The following EYS variants were observed in gnomAD, a reference collection of about 807,000 sequenced individuals.
The protein encoded by EYS is protein eyes shut homolog.
EYS carries 250 observed loss-of-function variants against 282.1 expected under a neutral mutation model. That is an observed-to-expected ratio of 0.89 (90% CI 0.80 to 0.98). EYS has a LOEUF of 0.98. EYS is among the 50% of genes least tolerant of loss of function. The pLI is 0.00. For missense variants in EYS, 4,016 were observed against 3,709.0 expected, an observed-to-expected ratio of 1.08 and a Z score of -2.15; for synonymous variants, 1,355 against 1,282.9, an observed-to-expected ratio of 1.06 and a Z score of -1.20.
chr6:64,327,929 G>A (rs1770491387), intron 29 of EYS, among the ~76,000 whole-genome samples: 1 of 152,126 alleles, frequency 6.6e-6, no homozygotes, highest in African/African-American at 2.4e-5. Flanking sequence ...CCTGAAAAGT[G>A]AAGGGAGGAA....
chr6:64,995,155 G>A lies in EYS; in HGVS notation c.2259+2427C>T, dbSNP rs371222140. Among the ~76,000 whole-genome samples the A allele has an allele frequency of 1.1e-4, 17 of 152,244 alleles. No homozygotes were observed. The East Asian group carries it at 2.9e-3, about 26-fold the overall frequency. ...ATTAGCTAAGGTCAGTTATGCAGGT[G>A]CTTCATGTCATCATGACTGACCTAC... On this transcript the variant is annotated intron_variant, in intron 14 of 42. Transcript: ENST00000503581.
intron 11 of EYS, chr6:65,331,526 ATT>A (rs1769797578): frequency 1.0e-6 from 1 of 961,164 alleles, no homozygotes; most frequent in South Asian, 4.8e-5. Flanking sequence ...CATTGTTAGT[ATT>A]AATTATGAGA....
At chr6:64,960,249 AAAGT>A (rs1419588471) in intron 14 of EYS, among the ~76,000 whole-genome samples, 2 of 152,152 alleles carry the variant, frequency 1.3e-5, no homozygotes, top group Non-Finnish European at 2.9e-5. Flanking sequence ...ATGAACAATA[AAAGT>A]AATCTTTGAT....
At chr6:64,077,232 G>T (rs1439752574) in intron 32 of EYS, among the ~76,000 whole-genome samples, 1 of 151,946 alleles carries the variant, frequency 6.6e-6, no homozygotes, top group Non-Finnish European at 1.5e-5. Context: ...TAAAACAACT[G>T]AGCAATCTTT....
chr6:64,902,092 T>C (rs1405703386), intron 18 of EYS, 21 bp downstream of exon 18: 20 of 1,473,736 alleles, frequency 1.4e-5, no homozygotes, highest in Non-Finnish European at 1.8e-5. Context: ...ATAATTAATT[T>C]AATAAAAAGT....
intron 26 of EYS, among the ~76,000 whole-genome samples, chr6:64,509,670 G>A (rs1047243486): frequency 6.6e-6 from 1 of 152,076 alleles, no homozygotes; most frequent in Non-Finnish European, 1.5e-5. Context: ...TTTCTATTAT[G>A]TATATCAAGG....
At chr6:64,554,298 T>C (rs925560002) in intron 26 of EYS, among the ~76,000 whole-genome samples, 1 of 152,044 alleles carries the variant, frequency 6.6e-6, no homozygotes, top group African/African-American at 2.4e-5. Context: ...AATACTAAAA[T>C]GTATAAAGTG....
intron 29 of EYS, among the ~76,000 whole-genome samples, chr6:64,373,063 T>G (rs141348982): frequency 1.3e-5 from 2 of 152,316 alleles, no homozygotes; most frequent in East Asian, 3.9e-4. Context: ...GTTTCTGACA[T>G]TTCAGCCATT....
chr6:65,628,396 C>G (rs894356325), intron 2 of EYS, among the ~76,000 whole-genome samples: 1 of 152,192 alleles, frequency 6.6e-6, no homozygotes, highest in Non-Finnish European at 1.5e-5. Flanking sequence ...CACCAATCAG[C>G]AGGATGTGGG....
chr6:65,493,057 A>T (rs926122210), intron 4 of EYS, among the ~76,000 whole-genome samples: 7 of 152,030 alleles, frequency 4.6e-5, no homozygotes, highest in African/African-American at 1.7e-4. Flanking sequence ...CTGGGATTAC[A>T]GGCACCCGCC....
chr6:64,198,170 T>G (rs1005005669), intron 31 of EYS, among the ~76,000 whole-genome samples: 2 of 150,996 alleles, frequency 1.3e-5, no homozygotes, highest in African/African-American at 2.4e-5. Context: ...GCTAATTTTT[T>G]TTTTTTTTTT....
intron 37 of EYS, 70 bp downstream of exon 37, chr6:63,806,120 T>A: frequency 7.8e-7 from 1 of 1,288,162 alleles, no homozygotes; most frequent in Non-Finnish European, 1.1e-6. Flanking sequence ...CCAATTAGAG[T>A]GTCCCTGAGG....
At chr6:65,686,408 C>A (rs1385323996) in intron 1 of EYS, among the ~76,000 whole-genome samples, 2 of 152,026 alleles carry the variant, frequency 1.3e-5, no homozygotes, top group Non-Finnish European at 2.9e-5. Context: ...TTATTATTTT[C>A]TTTCTGGTGC....
At chr6:64,912,994 G>C (rs1768048183) in intron 15 of EYS, among the ~76,000 whole-genome samples, 1 of 151,922 alleles carries the variant, frequency 6.6e-6, no homozygotes, top group Admixed American at 6.6e-5. Flanking sequence ...ACATAGTTAG[G>C]CCTCTGAGAC....
chr6:65,478,202 A>G (rs1277504303), intron 5 of EYS, among the ~76,000 whole-genome samples: 1 of 152,180 alleles, frequency 6.6e-6, no homozygotes, highest in Non-Finnish European at 1.5e-5. Context: ...TATATGAATG[A>G]CAGCAGAGAA....
At chr6:65,235,759 C>T (rs1435319355) in intron 12 of EYS, among the ~76,000 whole-genome samples, 1 of 151,768 alleles carries the variant, frequency 6.6e-6, no homozygotes, top group Non-Finnish European at 1.5e-5. Flanking sequence ...TCTTAAGTAA[C>T]AAAGCAAAAT....
intron 29 of EYS, among the ~76,000 whole-genome samples, chr6:64,329,763 C>T (rs533978676): frequency 2.6e-5 from 4 of 152,160 alleles, no homozygotes; most frequent in South Asian, 4.2e-4. Flanking sequence ...GGTGTTAAAG[C>T]CCCCCGGAGA....
Position 63,970,844 on chromosome 6 carries a change from T to C in EYS, c.7055+13539A>G, listed in dbSNP as rs1766535609. Among the ~76,000 whole-genome samples the C allele has an allele frequency of 2.6e-5, 4 of 152,314 alleles. No homozygotes were observed. In the South Asian group the frequency reaches 6.2e-4, roughly 24 times the overall value. On this transcript the variant is annotated intron_variant, in intron 35 of 42. Coordinates refer to ENST00000503581, the MANE Select transcript of EYS (RefSeq NM_001142800.2). ...GAGAGGAAGGAAACTGGAAGACAAT[T>C]TTGATAAAGTATAATTTCATAATGG...
At chr6:65,043,846 G>C (rs1459720765) in intron 13 of EYS, among the ~76,000 whole-genome samples, 1 of 151,544 alleles carries the variant, frequency 6.6e-6, no homozygotes, top group South Asian at 2.1e-4. Flanking sequence ...AATGATGTGG[G>C]CATGCAAATA....
Sources: gnomAD v4.1 joint callset for allele counts (sites outside exome capture counted in the v4.1 genomes callset) on GRCh38, gnomAD v4.1.1 for gene constraint, MANE v1.5 for transcripts, NCBI Gene and HGNC (gene_info 2026-07-23, HGNC 2026-07-21) for gene names.